Variants in DLG2 observed in about 807,000 individuals in gnomAD.
The protein encoded by DLG2 is discs large MAGUK scaffold protein 2.
Under a neutral mutation model 132.5 loss-of-function variants are expected in DLG2, and 45 were observed. The ratio of observed to expected loss-of-function variants is 0.34; its 90% confidence interval spans 0.27 to 0.44. The LOEUF is 0.44. Among genes scored for constraint, DLG2 ranks in the 20% least tolerant of loss-of-function variants. The pLI, the probability that DLG2 is intolerant of heterozygous loss-of-function variation, is 1.00. For missense variants in DLG2, 1,045 were observed against 1,196.9 expected (o/e 0.87, Z 1.87); for synonymous variants, 424 against 419.6 (o/e 1.01, Z -0.13).
chr11:85,424,063 A>C (rs1349296945), intron 3 of DLG2, among the ~76,000 whole-genome samples: 1 of 152,190 alleles, frequency 6.6e-6, no homozygotes, highest in African/African-American at 2.4e-5. Flanking sequence ...CCATGAGGCC[A>C]GGCAAAAATG....
At chr11:83,929,492 G>T (rs746724144) in intron 15 of DLG2, among the ~76,000 whole-genome samples, 2 of 152,108 alleles carry the variant, frequency 1.3e-5, no homozygotes, top group African/African-American at 2.4e-5. Context: ...GAAAAGAGGA[G>T]GTCTTTTTTG....
chr11:83,586,405 T>C (rs1254152778), intron 19 of DLG2, among the ~76,000 whole-genome samples: 1 of 152,226 alleles, frequency 6.6e-6, no homozygotes, highest in Non-Finnish European at 1.5e-5. Context: ...GCTAGGTGAC[T>C]GGGTCAATTA....
At chr11:85,174,292 A>C (rs993986782) in intron 4 of DLG2, among the ~76,000 whole-genome samples, 1 of 152,206 alleles carries the variant, frequency 6.6e-6, no homozygotes, top group African/African-American at 2.4e-5. Flanking sequence ...AAGCACACTC[A>C]AATTAGAGCT....
chr11:84,773,457 G>A (rs1443119364), intron 6 of DLG2, among the ~76,000 whole-genome samples: 1 of 152,130 alleles, frequency 6.6e-6, no homozygotes, highest in Non-Finnish European at 1.5e-5. Context: ...AAACCTGGCA[G>A]AGACACAATG....
chr11:84,163,399 A>G lies in DLG2; in HGVS notation c.624+62T>C, dbSNP rs2095590968. The G allele has an allele frequency of 2.1e-6, 3 of 1,424,734 alleles. No homozygotes were observed. In the African/African-American group the frequency reaches 4.4e-5, roughly 21 times the overall value. 88.3% of individuals were successfully genotyped at this position (1,424,734 alleles called of 1,614,324 possible). A position where few individuals can be genotyped will look rare whatever the true frequency, so the allele number is the denominator to read the frequency against. Reference sequence around the variant, plus strand: ...TATAATTTCACAAGACAACTCATTAAGATTAGAATAGAATGTGAAATGCAA... The same window carrying G: ...TATAATTTCACAAGACAACTCATTAGGATTAGAATAGAATGTGAAATGCAA... On this transcript the variant is annotated intron_variant, in intron 9 of 27. Transcript: ENST00000376104.
At chr11:83,890,313 T>A (rs2069381133) in intron 15 of DLG2, among the ~76,000 whole-genome samples, 1 of 152,114 alleles carries the variant, frequency 6.6e-6, no homozygotes, top group Non-Finnish European at 1.5e-5. Flanking sequence ...TTCGACAACA[T>A]TGAAAAGGTA....
intron 3 of DLG2, among the ~76,000 whole-genome samples, chr11:85,296,568 C>T (rs1210614821): frequency 6.8e-6 from 1 of 147,306 alleles, no homozygotes; most frequent in African/African-American, 2.5e-5. Context: ...CTCATAAATA[C>T]CAAAAGCTTA....
At chr11:83,810,325 A>C (rs1305084860) in intron 17 of DLG2, among the ~76,000 whole-genome samples, 1 of 152,114 alleles carries the variant, frequency 6.6e-6, no homozygotes, top group Non-Finnish European at 1.5e-5. Context: ...TCCCTAAAGA[A>C]AGTAAATTGT....
At chr11:85,192,175 A>G (rs2080641807) in intron 4 of DLG2, among the ~76,000 whole-genome samples, 1 of 152,192 alleles carries the variant, frequency 6.6e-6, no homozygotes, top group African/African-American at 2.4e-5. Flanking sequence ...TACTAGTACC[A>G]TGACCTTGAG....
At position 83,497,402 on chromosome 11, in the gene DLG2, G is replaced by A. The variant is rs571378093; in HGVS notation, c.2194-13174C>T. 3.5e-4 allele frequency among the ~76,000 whole-genome samples: 54 copies of A among 152,198 alleles called. 1 individual carries two copies. The highest frequency in any genetic ancestry group is 3.4e-3 in the Middle Eastern group (1 of 294). On this transcript the variant is annotated intron_variant, in intron 21 of 27. Transcript: ENST00000376104. ...ATACAAAAATTAGCTGGGTGTGGTG[G>A]CATGTGCCTGTAGTCCCATCTACTC... is the stretch of plus-strand genomic sequence containing the variant.
At chr11:84,257,417 T>C (rs2154355059) in intron 7 of DLG2, among the ~76,000 whole-genome samples, 1 of 152,296 alleles carries the variant, frequency 6.6e-6, no homozygotes, top group African/African-American at 2.4e-5. Context: ...CCTGATATAT[T>C]AATACTGGGA....
intron 17 of DLG2, among the ~76,000 whole-genome samples, chr11:83,833,258 C>T (rs1341563513): frequency 1.3e-5 from 2 of 151,970 alleles, no homozygotes; most frequent in African/African-American, 4.8e-5. Context: ...GACAACATGG[C>T]GAAACCCTGT....
chr11:84,909,239 T>C (rs1201293919), intron 6 of DLG2, among the ~76,000 whole-genome samples: 1 of 152,200 alleles, frequency 6.6e-6, no homozygotes, highest in African/African-American at 2.4e-5. Context: ...CTTTACAAGA[T>C]TACTGAATCA....
chr11:85,182,071 T>C (rs1455301547), intron 4 of DLG2, among the ~76,000 whole-genome samples: 1 of 151,982 alleles, frequency 6.6e-6, no homozygotes, highest in Non-Finnish European at 1.5e-5. Context: ...TGAATACATT[T>C]TGGTAGTTGG....
chr11:85,151,491 A>C (rs72961552), intron 5 of DLG2, among the ~76,000 whole-genome samples: 14,268 of 151,858 alleles, frequency 0.094, 916 homozygotes, highest in African/African-American at 0.18. Flanking sequence ...TAGTTTAAAT[A>C]TTACATTTTC....
intron 18 of DLG2, among the ~76,000 whole-genome samples, chr11:83,733,618 G>A (rs1029181655): frequency 1.3e-5 from 2 of 152,130 alleles, no homozygotes; most frequent in Non-Finnish European, 1.5e-5. Context: ...AATATTGGAG[G>A]ACTGAGACTT....
chr11:84,508,505 C>A (rs10898247), intron 7 of DLG2, among the ~76,000 whole-genome samples: 22,270 of 151,164 alleles, frequency 0.15, 1,688 homozygotes, highest in South Asian at 0.26. Context: ...CGGGTTCAAG[C>A]CATTCTCCTG....
rs116266703 is a variant in DLG2 at position 83,466,912 on chromosome 11, T to C, written c.2620-95A>G. The C allele has an allele frequency of 2.2e-3, 1,692 of 784,106 alleles. 15 individuals carry two copies. The African/African-American group carries it at 0.026, about 12-fold the overall frequency. The allele number at this position is 784,106 out of a possible 1,614,324, so 48.6% of individuals were successfully genotyped here. A position where few individuals can be genotyped will look rare whatever the true frequency, so the allele number is the denominator to read the frequency against. On this transcript the variant is annotated intron_variant, in intron 25 of 27. Coordinates refer to ENST00000376104, the MANE Select transcript of DLG2 (RefSeq NM_001142699.3). Reference sequence around the variant, plus strand: ...AATGTATGTAGGTTTTAGAGGAAGGTAGGGGATGCTGGATTTCTAAAGTCA... The same window carrying C: ...AATGTATGTAGGTTTTAGAGGAAGGCAGGGGATGCTGGATTTCTAAAGTCA...
At chr11:85,276,990 C>A (rs1006268480) in intron 4 of DLG2, among the ~76,000 whole-genome samples, 8 of 151,964 alleles carry the variant, frequency 5.3e-5, no homozygotes, top group African/African-American at 1.7e-4. Flanking sequence ...TTAGAAAATT[C>A]GTGATTGATA....
Sources: gnomAD v4.1 joint callset for allele counts (sites outside exome capture counted in the v4.1 genomes callset) on GRCh38, gnomAD v4.1.1 for gene constraint, MANE v1.5 for transcripts, NCBI Gene and HGNC (gene_info 2026-07-23, HGNC 2026-07-21) for gene names.